Variants in KLHL29 observed in about 807,000 individuals in gnomAD.
The protein encoded by KLHL29 is kelch like family member 29, also known as kelch-like protein 29.
In KLHL29, 21 loss-of-function variants were observed where a neutral mutation model predicts 80.4. That is an observed-to-expected ratio of 0.26 (90% CI 0.19 to 0.38). KLHL29 has a LOEUF of 0.38. Among genes scored for constraint, KLHL29 ranks in the 10% least tolerant of loss-of-function variants. The pLI is 1.00. For missense variants in KLHL29, 867 were observed against 1,223.9 expected (o/e 0.71, Z 4.35); for synonymous variants, 511 against 526.8 (o/e 0.97, Z 0.41).
chr2:23,525,730 C>T (rs1007627602), intron 2 of KLHL29, among the ~76,000 whole-genome samples: 2 of 54,676 alleles, frequency 3.7e-5, no homozygotes, highest in South Asian at 7.8e-4. Flanking sequence ...GCCCCTGCCC[C>T]CCCCCCCCAC....
intron 3 of KLHL29, among the ~76,000 whole-genome samples, chr2:23,574,827 A>G (rs1391718281): frequency 6.6e-6 from 1 of 152,216 alleles, no homozygotes; most frequent in East Asian, 1.9e-4. Flanking sequence ...CCACCACGCC[A>G]TTTCCTTGAT....
intron 3 of KLHL29, among the ~76,000 whole-genome samples, chr2:23,631,251 G>A (rs543097286): frequency 9.2e-5 from 14 of 152,238 alleles, no homozygotes; most frequent in African/African-American, 2.9e-4. Context: ...CAGCAGGCTC[G>A]TTTACCCTCC....
At chr2:23,660,274 C>T (rs543831138) in intron 5 of KLHL29, among the ~76,000 whole-genome samples, 5 of 152,336 alleles carry the variant, frequency 3.3e-5, no homozygotes, top group South Asian at 4.1e-4. Context: ...CCTGGCTTTA[C>T]GTAAGGTGGC....
intron 3 of KLHL29, among the ~76,000 whole-genome samples, chr2:23,622,824 A>T (rs2149144340): frequency 6.6e-6 from 1 of 152,358 alleles, no homozygotes; most frequent in Admixed American, 6.5e-5. Context: ...TGCACATATT[A>T]GTTCATAATT....
At chr2:23,474,446 G>A (rs1462948433) in intron 1 of KLHL29, among the ~76,000 whole-genome samples, 2 of 152,214 alleles carry the variant, frequency 1.3e-5, no homozygotes, top group African/African-American at 4.8e-5. Context: ...CCTTGGAGAG[G>A]AAATGTACTC....
chr2:23,687,960 C>G (rs1041648094), intron 6 of KLHL29, among the ~76,000 whole-genome samples: 2 of 152,096 alleles, frequency 1.3e-5, no homozygotes, highest in African/African-American at 4.8e-5. Context: ...AGCCTGCGGC[C>G]GAGTCCCTTT....
At chr2:23,636,979 A>G (rs531001394) in intron 3 of KLHL29, among the ~76,000 whole-genome samples, 2 of 152,274 alleles carry the variant, frequency 1.3e-5, no homozygotes, top group African/African-American at 4.8e-5. Context: ...GGGGAGAAGC[A>G]GTGGCTGTCG....
At position 23,696,934 on chromosome 2, in the gene KLHL29, T is replaced by C. The variant is rs1318747622; in HGVS notation, c.2105+421T>C. The C allele has an allele frequency of 5.9e-6, 1 of 169,898 alleles. No individual in the cohort carries two copies. The highest frequency in any genetic ancestry group is 1.3e-5 in the Non-Finnish European group (1 of 78,572). The allele number at this position is 169,898 out of a possible 1,614,324, so 10.5% of individuals were successfully genotyped here. A position where few individuals can be genotyped will look rare whatever the true frequency, so the allele number is the denominator to read the frequency against. ...CTGGAAGCAATGTTTAAAATGCAGG[T>C]CATGCCAGTGGCGGTGCCTCCTTGT... On this transcript the variant is annotated intron_variant, in intron 11 of 13. Coordinates refer to ENST00000486442, the MANE Select transcript of KLHL29 (RefSeq NM_052920.2). This position sits in a 1 kb window ranked among gnomAD's most constrained non-coding sequence, Gnocchi z 5.5.
intron 5 of KLHL29, among the ~76,000 whole-genome samples, chr2:23,676,735 G>T (rs1304957342): frequency 6.6e-6 from 1 of 152,226 alleles, no homozygotes; most frequent in African/African-American, 2.4e-5. Context: ...TCAAAGTGAA[G>T]GAACAGGATG....
chr2:23,649,040 C>G (rs569851594), intron 5 of KLHL29, among the ~76,000 whole-genome samples: 14 of 152,336 alleles, frequency 9.2e-5, no homozygotes, highest in Admixed American at 2.0e-4. Flanking sequence ...ATAATATTAG[C>G]TGTTGTTATG....
intron 3 of KLHL29, among the ~76,000 whole-genome samples, chr2:23,584,114 G>A (rs1289289352): frequency 1.3e-5 from 2 of 152,188 alleles, no homozygotes; most frequent in Admixed American, 6.5e-5. Context: ...GTCAGCCGAG[G>A]CTTATGGGCC....
chr2:23,518,211 T>C (rs1210506426), intron 2 of KLHL29, among the ~76,000 whole-genome samples: 5 of 152,228 alleles, frequency 3.3e-5, no homozygotes, highest in Non-Finnish European at 7.3e-5. Context: ...AGACTTGGCC[T>C]ATGGCTCCTC....
chr2:23,576,618 G>A (rs746173895), intron 3 of KLHL29, among the ~76,000 whole-genome samples: 32 of 152,170 alleles, frequency 2.1e-4, no homozygotes, highest in Non-Finnish European at 3.7e-4. Flanking sequence ...TTCCCTCACC[G>A]GGCTGATGGG....
intron 1 of KLHL29, among the ~76,000 whole-genome samples, chr2:23,411,185 C>T (rs914440301): frequency 6.6e-6 from 1 of 152,104 alleles, no homozygotes; most frequent in Non-Finnish European, 1.5e-5. Flanking sequence ...TCCAAATCTC[C>T]TGTGAGGCCA....
At chr2:23,597,294 C>A (rs60869389) in intron 3 of KLHL29, among the ~76,000 whole-genome samples, 28,430 of 93,008 alleles carry the variant, frequency 0.31, 3,782 homozygotes, top group Middle Eastern at 0.39. Flanking sequence ...CTCTCTCTCT[C>A]TCATATATAT....
rs374896462 is a variant in KLHL29, at chr2:23,418,982, G to A, written c.-154+33202G>A. ...AAAGGAATCTATAGGTAAAGAACAGGCTTTGTCTTTCTCCTAGTACTGTTA... is the reference window on the plus strand; with the variant it reads ...AAAGGAATCTATAGGTAAAGAACAGACTTTGTCTTTCTCCTAGTACTGTTA... On this transcript the variant is annotated intron_variant, in intron 1 of 13. Transcript: ENST00000486442. 3.9e-5 allele frequency among the ~76,000 whole-genome samples: 6 copies of A among 152,214 alleles called. No individual in the cohort carries two copies. The East Asian group carries it at 5.8e-4, about 15-fold the overall frequency.
intron 3 of KLHL29, among the ~76,000 whole-genome samples, chr2:23,572,352 AC>A (rs34352445): frequency 2.6e-5 from 4 of 151,810 alleles, no homozygotes; most frequent in Non-Finnish European, 1.5e-5. Flanking sequence ...AAAGGTTACC[AC>A]CCCCTGTGAT....
chr2:23,552,693 G>A (rs1667158418), intron 2 of KLHL29, among the ~76,000 whole-genome samples: 1 of 151,226 alleles, frequency 6.6e-6, no homozygotes, highest in Admixed American at 6.6e-5. Flanking sequence ...TCCAGAGATT[G>A]ATGCCACCTG....
intron 1 of KLHL29, among the ~76,000 whole-genome samples, chr2:23,445,400 G>A (rs374193583): frequency 7.2e-5 from 11 of 152,086 alleles, no homozygotes; most frequent in Non-Finnish European, 1.3e-4. Flanking sequence ...TGCATTGTCC[G>A]CTTTTTAATA....
Sources: gnomAD v4.1 joint callset for allele counts (sites outside exome capture counted in the v4.1 genomes callset) on GRCh38, gnomAD v4.1.1 for gene constraint, Gnocchi (gnomAD v3.1) non-coding constraint, MANE v1.5 for transcripts, NCBI Gene and HGNC (gene_info 2026-07-23, HGNC 2026-07-21) for gene names.